Variants in BEGAIN observed in about 807,000 individuals in gnomAD.
BEGAIN encodes brain-enriched guanylate kinase-associated protein.
In BEGAIN, 19 loss-of-function variants were observed where a neutral mutation model predicts 35.8. That is an observed-to-expected ratio of 0.53 (90% CI 0.37 to 0.78). BEGAIN has a LOEUF of 0.78. Among genes scored for constraint, BEGAIN ranks in the 30% least tolerant of loss-of-function variants. The pLI is 0.00. For synonymous variants in BEGAIN, 462 were observed against 388.6 expected, an observed-to-expected ratio of 1.19 and a Z score of -2.22; for missense variants, 795 against 853.6, an observed-to-expected ratio of 0.93 and a Z score of 0.85.
In BEGAIN at chr14:100,563,795, G is replaced by A. The variant is rs1459210987; in HGVS notation, c.71+4116C>T. Among the ~76,000 whole-genome samples, 1 of 152,242 alleles carries A rather than the reference G, an allele frequency of 6.6e-6. No homozygotes were observed. Among genetic ancestry groups the A allele is most frequent in the African/African-American group, 2.4e-5 (1 of 41,446 alleles). ...GGCCCAGGCTGCACAGTGCCCGGCA[G>A]TCTGCCAGGGAACAAACGGATTTCA... On this transcript the variant is annotated intron_variant, in intron 2 of 6. Transcript: ENST00000554140. The surrounding 1 kb of genome is among the most constrained non-coding windows in gnomAD (Gnocchi z 4.2).
intron 2 of BEGAIN, among the ~76,000 whole-genome samples, chr14:100,562,499 C>T (rs2034345472): frequency 6.6e-6 from 1 of 152,162 alleles, no homozygotes; most frequent in Non-Finnish European, 1.5e-5. Flanking sequence ...AAAGTCCATC[C>T]TTTTAGCTGC....
chr14:100,546,780 G>GCACACACA (rs879183769), intron 2 of BEGAIN, 118 bp from the exon 3 acceptor site: 74 of 343,786 alleles, frequency 2.2e-4, no homozygotes, highest in Admixed American at 5.7e-4. Flanking sequence ...GCGCGCGCGC[G>GCACACACA]CACACACACA....
Position 100,568,662 on chromosome 14 carries a change from C to T in BEGAIN, c.43-723G>A, listed in dbSNP as rs569242750. The T allele has an allele frequency of 2.7e-3, 1,385 of 512,874 alleles. 19 individuals carry two copies. Among genetic ancestry groups the T allele is most frequent in the African/African-American group, 0.026 (1,271 of 48,036 alleles). The allele number at this position is 512,874 out of a possible 1,614,324, so 31.8% of individuals were successfully genotyped here. A position where few individuals can be genotyped will look rare whatever the true frequency, so the allele number is the denominator to read the frequency against. On this transcript the variant is annotated intron_variant, in intron 1 of 6. Coordinates refer to ENST00000554140, the MANE Select transcript of BEGAIN (RefSeq NM_001385089.1). The surrounding 1 kb of genome is among the most constrained non-coding windows in gnomAD (Gnocchi z 7.5). ...GCCCAGCCCCGCTCAGCCGGGCAGCCCCTCCGCGCGCCGGGCAGGGGGACC... is the reference window on the plus strand; with the variant it reads ...GCCCAGCCCCGCTCAGCCGGGCAGCTCCTCCGCGCGCCGGGCAGGGGGACC...
chr14:100,578,665 A>G lies in BEGAIN; in HGVS notation c.42+8584T>C, dbSNP rs117660660. On this transcript the variant is annotated intron_variant, in intron 1 of 6. Transcript: ENST00000554140. ...GCCAGCCTGTGTCTTTTTCCCATTC[A>G]CCAACCTCCTGCTTCTTCTCTAGAA... Among the ~76,000 whole-genome samples, 406 of 152,252 alleles carry G rather than the reference A, an allele frequency of 2.7e-3. 8 individuals are homozygous for G. The East Asian group carries it at 0.033, about 12-fold the overall frequency.
At chr14:100,552,829 G>A (rs2033335213) in intron 2 of BEGAIN, among the ~76,000 whole-genome samples, 1 of 152,244 alleles carries the variant, frequency 6.6e-6, no homozygotes, top group Admixed American at 6.5e-5. Context: ...CCTACCAGCA[G>A]AAGGACCTGG....
Position 100,566,120 on chromosome 14 carries a change from A to T in BEGAIN, c.71+1791T>A, listed in dbSNP as rs910166865. 3.9e-5 allele frequency among the ~76,000 whole-genome samples: 6 copies of T among 152,354 alleles called. No homozygotes were observed. The South Asian group carries it at 1.2e-3, about 32-fold the overall frequency. Reference sequence around the variant, plus strand: ...GGCAGGACCCCTCCCCAGTTCTAGGAGTCCTTGCCCCACGCCACCCCTGGC... The same window carrying T: ...GGCAGGACCCCTCCCCAGTTCTAGGTGTCCTTGCCCCACGCCACCCCTGGC... On this transcript the variant is annotated intron_variant, in intron 2 of 6. Transcript: ENST00000554140.
chr14:100,576,657 G>C (rs1006042872), intron 1 of BEGAIN, among the ~76,000 whole-genome samples: 3 of 152,176 alleles, frequency 2.0e-5, no homozygotes, highest in Non-Finnish European at 4.4e-5. Flanking sequence ...CCCTGGCCCA[G>C]GGGACACAGA....
intron 2 of BEGAIN, chr14:100,550,328 C>G (rs1458781188): frequency 2.5e-6 from 1 of 398,172 alleles, no homozygotes; most frequent in African/African-American, 2.1e-5. Context: ...GCCTCTGCAT[C>G]TGTCTCGGGG....
intron 1 of BEGAIN, chr14:100,569,457 T>A (rs1458481169): frequency 1.3e-5 from 2 of 152,344 alleles, no homozygotes; most frequent in Non-Finnish European, 1.5e-5. Context: ...GCGCTTCTCA[T>A]GCTAGGTCCC....
chr14:100,582,900 A>G (rs993661991), intron 1 of BEGAIN, among the ~76,000 whole-genome samples: 2 of 151,780 alleles, frequency 1.3e-5, no homozygotes, highest in African/African-American at 2.4e-5. Context: ...CCTGCGTAGT[A>G]TATGTCTCTG....
At chr14:100,550,527 A>G (rs1231140254) in intron 2 of BEGAIN, 18 of 398,828 alleles carry the variant, frequency 4.5e-5, no homozygotes, top group Non-Finnish European at 7.1e-5. Flanking sequence ...CAAAGAGGAC[A>G]GAGCTGCTCA....
rs1419288818 is a variant in BEGAIN at position 100,567,894 on chromosome 14, G to T, written c.71+17C>A. 2.0e-6 allele frequency: 3 copies of T among 1,467,292 alleles called. No homozygotes were observed. The highest frequency in any genetic ancestry group is 2.5e-5 in the South Asian group (2 of 79,790). The allele number at this position is 1,467,292 out of a possible 1,614,324, so 90.9% of individuals were successfully genotyped here. A position where few individuals can be genotyped will look rare whatever the true frequency, so the allele number is the denominator to read the frequency against. ...CCCGGCCCCCGCGAGCCGCGGCACG[G>T]GAGACGCTCCACTCACCTGAGTTTC... On this transcript the variant is annotated intron_variant, in intron 2 of 6. Transcript: ENST00000554140. The surrounding 1 kb of genome is among the most constrained non-coding windows in gnomAD (Gnocchi z 5.1).
chr14:100,543,038 G>C (rs1255360039), intron 5 of BEGAIN, among the ~76,000 whole-genome samples: 1 of 152,184 alleles, frequency 6.6e-6, no homozygotes, highest in Non-Finnish European at 1.5e-5. Context: ...GAGTTAACCA[G>C]GTACAGCTGC....
chr14:100,574,945 G>A (rs1241020437), intron 1 of BEGAIN, among the ~76,000 whole-genome samples: 1 of 152,174 alleles, frequency 6.6e-6, no homozygotes, highest in Admixed American at 6.5e-5. Flanking sequence ...ACATTGGATC[G>A]AGTCATTCAC....
chr14:100,551,159 C>T (rs974909355), intron 2 of BEGAIN, among the ~76,000 whole-genome samples: 2 of 152,184 alleles, frequency 1.3e-5, no homozygotes, highest in Non-Finnish European at 2.9e-5. Flanking sequence ...GCCCCGGGGC[C>T]CCTGCTCCCC....
intron 1 of BEGAIN, among the ~76,000 whole-genome samples, chr14:100,571,583 C>A (rs148700556): frequency 3.9e-5 from 6 of 152,312 alleles, no homozygotes; most frequent in Non-Finnish European, 7.4e-5. Context: ...GGGCCAGGGA[C>A]CTTGCTATCT....
rs202019599 is a variant in BEGAIN, at chr14:100,543,978, C to A, written c.301-13G>T. ...CATAGTGCTGGCCCTGGGGGTGGGA[C>A]AGTGGGAGGAGGAGGCCCGTGGTTG... On this transcript the variant is annotated splice_polypyrimidine_tract_variant and intron_variant, in intron 4 of 6. Coordinates refer to ENST00000554140, the MANE Select transcript of BEGAIN (RefSeq NM_001385089.1). 2 of 1,596,482 alleles carry A rather than the reference C, an allele frequency of 1.3e-6. No homozygotes were observed.
chr14:100,549,043 T>C (rs4073738), intron 2 of BEGAIN: 72,198 of 151,928 alleles, frequency 0.48, 18,043 homozygotes, highest in East Asian at 0.65. Context: ...GCTGCAGGCA[T>C]CGGGCCATGG....
chr14:100,576,933 T>C (rs2035215912), intron 1 of BEGAIN, among the ~76,000 whole-genome samples: 1 of 152,110 alleles, frequency 6.6e-6, no homozygotes, highest in Non-Finnish European at 1.5e-5. Context: ...TCCAACTCCA[T>C]ATAATTGGGG....
Sources: allele counts gnomAD v4.1 joint callset (sites outside exome capture counted in the v4.1 genomes callset), GRCh38; gene constraint gnomAD v4.1.1; non-coding constraint Gnocchi (gnomAD v3.1); transcripts MANE v1.5; gene names NCBI Gene and HGNC (gene_info 2026-07-23, HGNC 2026-07-21).